Variants in CACHD1 observed in about 807,000 individuals in gnomAD.
The protein encoded by CACHD1 is cache domain containing 1, also known as VWFA and cache domain-containing protein 1.
Under a neutral mutation model 138.7 loss-of-function variants are expected in CACHD1, and 71 were observed. The ratio of observed to expected loss-of-function variants is 0.51; its 90% CI spans 0.42 to 0.62. CACHD1 has a LOEUF of 0.62. Among genes scored for constraint, CACHD1 ranks in the 20% least tolerant of loss-of-function variants. The probability of loss-of-function intolerance (pLI) is 0.00; values close to 1 mark genes in which losing one functional copy is unlikely to be tolerated. For synonymous variants in CACHD1, 578 were observed against 591.5 expected (o/e 0.98, Z 0.33); for missense variants, 1,389 against 1,625.3 (o/e 0.85, Z 2.50).
intron 19 of CACHD1, 124 bp downstream of exon 19, chr1:64,673,588 TAGG>T (rs1488596437): frequency 4.9e-6 from 4 of 815,944 alleles, no homozygotes; most frequent in South Asian, 1.6e-5. Flanking sequence ...TATAGAATGA[TAGG>T]AGGAGACAGG....
chr1:64,623,114 G>A (rs1225263648), intron 4 of CACHD1, among the ~76,000 whole-genome samples: 1 of 152,018 alleles, frequency 6.6e-6, no homozygotes, highest in South Asian at 2.1e-4. Context: ...ATTAAATTTG[G>A]CAGTAGGTTG....
chr1:64,636,726 C>G (rs2100650305), intron 7 of CACHD1, among the ~76,000 whole-genome samples: 1 of 152,232 alleles, frequency 6.6e-6, no homozygotes, highest in Admixed American at 6.5e-5. Context: ...GCCCCACTTT[C>G]CCTTTTGATT....
chr1:64,684,054 G>T (rs529226963), intron 26 of CACHD1, among the ~76,000 whole-genome samples: 1 of 152,342 alleles, frequency 6.6e-6, no homozygotes, highest in Non-Finnish European at 1.5e-5. Context: ...GGTCCCATGA[G>T]ATTATAATGG....
At chr1:64,543,575 A>G (rs1281057562) in intron 1 of CACHD1, among the ~76,000 whole-genome samples, 1 of 151,586 alleles carries the variant, frequency 6.6e-6, no homozygotes, top group East Asian at 1.9e-4. Flanking sequence ...GACTGTCTCT[A>G]AAATAATAAT....
chr1:64,596,533 T>G (rs1647153440), intron 3 of CACHD1, among the ~76,000 whole-genome samples: 1 of 152,122 alleles, frequency 6.6e-6, no homozygotes, highest in Non-Finnish European at 1.5e-5. Flanking sequence ...GGTGAAGGGT[T>G]TTTGCCGCCT....
At chr1:64,563,392 A>G (rs1395898300) in intron 2 of CACHD1, among the ~76,000 whole-genome samples, 1 of 48,378 alleles carries the variant, frequency 2.1e-5, no homozygotes, top group Non-Finnish European at 9.3e-5. Flanking sequence ...GGCTCTAGAC[A>G]TGAAGAATTG....
At chr1:64,556,693 A>G (rs1340191220) in intron 2 of CACHD1, among the ~76,000 whole-genome samples, 2 of 150,660 alleles carry the variant, frequency 1.3e-5, no homozygotes, top group Admixed American at 1.3e-4. Flanking sequence ...CATTTCTTTT[A>G]AACTAACCTT....
intron 4 of CACHD1, among the ~76,000 whole-genome samples, chr1:64,618,582 T>C (rs1647796796): frequency 6.6e-6 from 1 of 152,154 alleles, no homozygotes; most frequent in African/African-American, 2.4e-5. Flanking sequence ...CCCTGAAATA[T>C]ATGGCCCCTG....
chr1:64,690,335 C>T (rs774256927), intron 26 of CACHD1, among the ~76,000 whole-genome samples: 10 of 152,170 alleles, frequency 6.6e-5, no homozygotes, highest in Non-Finnish European at 1.3e-4. Flanking sequence ...ATCAATTTTG[C>T]AGCCATGAAT....
intron 1 of CACHD1, among the ~76,000 whole-genome samples, chr1:64,520,722 A>G (rs1008879993): frequency 1.2e-4 from 18 of 152,220 alleles, no homozygotes; most frequent in Non-Finnish European, 2.4e-4. Context: ...TAACTTCCAC[A>G]TACTCGGAAC....
intron 1 of CACHD1, among the ~76,000 whole-genome samples, chr1:64,475,042 G>A (rs952854509): frequency 3.9e-5 from 6 of 152,164 alleles, no homozygotes; most frequent in African/African-American, 9.7e-5. Flanking sequence ...GCATGTTCAG[G>A]AACTGAAGGA....
At chr1:64,594,265 A>AG (rs1647132313) in intron 3 of CACHD1, among the ~76,000 whole-genome samples, 1 of 151,640 alleles carries the variant, frequency 6.6e-6, no homozygotes, top group Non-Finnish European at 1.5e-5. Flanking sequence ...AAAAAAAAAA[A>AG]AAAAGAAAGA....
chr1:64,658,737 G>A lies in CACHD1; in HGVS notation c.1815G>A (p.Val605=), dbSNP rs1649344459. The part of the protein sequence containing the change: ...VQDTSFILCI[V]VIQPEIPVKQ... ...ACACTTCCTTTATTCTGTGTATTGT[G>A]GTGATACAACCAGAAATACCTGTGA... is the stretch of plus-strand genomic sequence containing the variant. Residue 605 remains valine, a synonymous_variant, in exon 13 of 27, where the codon GTG becomes GTA. Coordinates refer to ENST00000651257, the MANE Select transcript of CACHD1 (RefSeq NM_020925.4). 1 of 1,611,740 alleles carries A rather than the reference G, an allele frequency of 6.2e-7. No individual in the cohort carries two copies. Among genetic ancestry groups the A allele is most frequent in the African/African-American group, 1.3e-5 (1 of 74,862 alleles).
At chr1:64,676,844 T>C (rs754135809) in intron 21 of CACHD1, 51 bp from the exon 22 acceptor site, 1 of 1,452,228 alleles carries the variant, frequency 6.9e-7, no homozygotes, top group Admixed American at 1.8e-5. Context: ...GAGCATGAGT[T>C]TGGAATGTGG....
intron 4 of CACHD1, among the ~76,000 whole-genome samples, chr1:64,621,699 T>C (rs1427362271): frequency 7.2e-5 from 11 of 152,158 alleles, no homozygotes. Flanking sequence ...GGCCTAAGGA[T>C]CACCTTGTAC....
At chr1:64,512,118 G>A (rs963034473) in intron 1 of CACHD1, among the ~76,000 whole-genome samples, 1 of 152,174 alleles carries the variant, frequency 6.6e-6, no homozygotes, top group Non-Finnish European at 1.5e-5. Context: ...GCAGGGCTGG[G>A]CATGGTGGCT....
At chr1:64,501,513 TCAG>T (rs1646340073) in intron 1 of CACHD1, among the ~76,000 whole-genome samples, 1 of 152,268 alleles carries the variant, frequency 6.6e-6, no homozygotes, top group South Asian at 2.1e-4. Context: ...GTTGATGCCT[TCAG>T]CAGTTAATTT....
chr1:64,527,675 T>G (rs1050113325), intron 1 of CACHD1, among the ~76,000 whole-genome samples: 3 of 152,246 alleles, frequency 2.0e-5, no homozygotes, highest in Non-Finnish European at 4.4e-5. Flanking sequence ...TTCTCTCTGT[T>G]TAAAAGTAAA....
intron 1 of CACHD1, among the ~76,000 whole-genome samples, chr1:64,499,759 T>C (rs919725519): frequency 2.6e-5 from 4 of 152,208 alleles, no homozygotes; most frequent in African/African-American, 9.7e-5. Flanking sequence ...GAAATTACAG[T>C]AGTTGTTAGA....
Sources: gnomAD v4.1 joint callset for allele counts (sites outside exome capture counted in the v4.1 genomes callset) on GRCh38, gnomAD v4.1.1 for gene constraint, MANE v1.5 for transcripts, NCBI Gene and HGNC (gene_info 2026-07-23, HGNC 2026-07-21) for gene names.